GOLGB1: variants seen among roughly 807,000 people sequenced by gnomAD.
GOLGB1 encodes the protein golgin B1.
In GOLGB1, 174 loss-of-function variants were observed where a neutral mutation model predicts 336.9. The ratio of observed to expected loss-of-function variants is 0.52; its 90% CI spans 0.46 to 0.59. GOLGB1 has a LOEUF of 0.59. GOLGB1 is among the 20% of genes least tolerant of loss of function. The probability of loss-of-function intolerance (pLI) is 0.00; values close to 1 mark genes in which losing one functional copy is unlikely to be tolerated. For missense variants in GOLGB1, 3,331 were observed against 3,645.3 expected, an observed-to-expected ratio of 0.91 and a Z score of 2.22; for synonymous variants, 1,208 against 1,289.2, an observed-to-expected ratio of 0.94 and a Z score of 1.35.
chr3:121,672,868 C>T (rs1939738153), intron 17 of GOLGB1, among the ~76,000 whole-genome samples: 1 of 152,136 alleles, frequency 6.6e-6, no homozygotes. Flanking sequence ...TTCCCAGCAC[C>T]ATTTATTAGA....
Position 121,696,814 on chromosome 3 carries a change from G to C in GOLGB1, c.3709C>G (p.Gln1237Glu). Residue 1237 changes from glutamine (Q) to glutamate (E), a missense_variant, in exon 13 of 22, where the codon CAG becomes GAG. By Grantham distance (29) the Gln-to-Glu change is conservative. Coordinates refer to ENST00000614479, the MANE Select transcript of GOLGB1 (RefSeq NM_001366282.2). ...QSKENENIGD[Q>E]LRQLQIQVRE... ...ACTTGAATCTGGAGTTGCCTTAGCT[G>C]GTCTCCAATATTCTCATTTTCCTTG... 2 of 1,614,018 alleles carry C rather than the reference G, an allele frequency of 1.2e-6. No individual in the cohort carries two copies. Among genetic ancestry groups the C allele is most frequent in the Non-Finnish European group, 1.7e-6 (2 of 1,179,904 alleles).
chr3:121,698,713 T>C lies in GOLGB1; in HGVS notation c.1810A>G (p.Lys604Glu). The change falls in exon 13 of 22, where the codon AAA becomes GAA. Residue 604 changes from lysine to glutamate, a missense_variant. Coordinates refer to ENST00000614479, the MANE Select transcript of GOLGB1 (RefSeq NM_001366282.2). ...GCTATTCCCTCACCCTCCATCTGTT[T>C]CATTTCTTTCTGGTCAAGGACCTCA... Reference protein sequence around the residue: ...DHEVLDQKEMKQMEGEGIAPI... With the variant: ...DHEVLDQKEMEQMEGEGIAPI... 6.2e-7 allele frequency: 1 copy of C among 1,613,850 alleles called. No individual in the cohort carries two copies. The highest frequency in any genetic ancestry group is 8.5e-7 in the Non-Finnish European group (1 of 1,179,806).
chr3:121,741,254 CATT>C (rs1946833090), intron 1 of GOLGB1, among the ~76,000 whole-genome samples: 1 of 151,860 alleles, frequency 6.6e-6, no homozygotes, highest in Admixed American at 6.6e-5. Flanking sequence ...AAAGAAACAT[CATT>C]ATAAGAACTA....
In GOLGB1 at chr3:121,664,598, C is replaced by T; in HGVS notation, c.9677G>A (p.Gly3226Glu). 2 of 1,614,018 alleles carry T rather than the reference C, an allele frequency of 1.2e-6. No homozygotes were observed. Among genetic ancestry groups the T allele is most frequent in the Non-Finnish European group, 1.7e-6 (2 of 1,179,872 alleles). The change falls in exon 22 of 22, where the codon GGA becomes GAA. Residue 3226 changes from glycine to glutamate, a missense_variant. Coordinates refer to ENST00000614479, the MANE Select transcript of GOLGB1 (RefSeq NM_001366282.2). ...GAGTGAACGCAGGACTCGCTTCCAT[C>T]CAACGCCACTCCGGGTCTGAAAGAA... The part of the protein sequence containing the change: ...NSCRRTRSGV[G>E]WKRVLRSLCH...
rs144599579 is a variant in GOLGB1, at chr3:121,681,609, A to G, written c.8873+78T>C. ...AGGGTACATAGAAGCTCTCTGCACT[A>G]TTTTCCCAAATCTACAATTATTTCA... On this transcript the variant is annotated intron_variant, in intron 15 of 21. Coordinates refer to ENST00000614479, the MANE Select transcript of GOLGB1 (RefSeq NM_001366282.2). 1.4e-3 allele frequency: 1,432 copies of G among 1,044,430 alleles called. 13 individuals carry two copies. The East Asian group carries it at 0.028, about 20-fold the overall frequency. 64.7% of individuals were successfully genotyped at this position (1,044,430 alleles called of 1,614,324 possible).
At position 121,697,561 on chromosome 3, in the gene GOLGB1, G is replaced by T; in HGVS notation, c.2962C>A (p.Leu988Ile). 6.2e-7 allele frequency: 1 copy of T among 1,613,612 alleles called. No homozygotes were observed. The highest frequency in any genetic ancestry group is 8.5e-7 in the Non-Finnish European group (1 of 1,179,888). The stretch of plus-strand genomic sequence containing the variant: ...CTCTGCTCATTTTCTTTCTTCAGAA[G>T]GTCAAATTCATGCTGAAGTTCTTCC... Reference protein sequence around the residue: ...SKEELQHEFDLLKKENEQRKR... With the variant: ...SKEELQHEFDILKKENEQRKR... The change falls in exon 13 of 22, where the codon CTT becomes ATT. Residue 988 changes from leucine to isoleucine, a missense_variant. Coordinates refer to ENST00000614479, the MANE Select transcript of GOLGB1 (RefSeq NM_001366282.2).
At chr3:121,727,326 T>A (rs1472505800) in intron 4 of GOLGB1, among the ~76,000 whole-genome samples, 881 of 67,062 alleles carry the variant, frequency 0.013, no homozygotes, top group Non-Finnish European at 0.023. Flanking sequence ...ATATATTTTT[T>A]TTTTTTTTTT....
At chr3:121,709,069 G>A (rs1944127783) in intron 10 of GOLGB1, among the ~76,000 whole-genome samples, 1 of 152,126 alleles carries the variant, frequency 6.6e-6, no homozygotes. Flanking sequence ...GCCAGATACA[G>A]AGAAATGTAA....
rs140932474 is a variant in GOLGB1 at position 121,717,027 on chromosome 3, A to G, written c.998T>C (p.Val333Ala). The G allele has an allele frequency of 1.5e-3, 2,499 of 1,613,796 alleles. 3 individuals carry two copies. The highest frequency in any genetic ancestry group is 1.9e-3 in the Non-Finnish European group (2,263 of 1,179,828). Residue 333 changes from valine to alanine, a missense_variant, in exon 9 of 22, where the codon GTG becomes GCG. Val to Ala is a moderately conservative substitution (Grantham distance 64). Coordinates refer to ENST00000614479, the MANE Select transcript of GOLGB1 (RefSeq NM_001366282.2). ...KILLEKMELEVAERKLSFHNL... is the reference protein window; with the variant it reads ...KILLEKMELEAAERKLSFHNL... ...ATGGAAGGATAATTTTCTCTCTGCC[A>G]CTTCAAGTTCCATCTTTTCCAGTAG... is the stretch of plus-strand genomic sequence containing the variant.
chr3:121,713,660 G>A (rs1289501840), intron 10 of GOLGB1, among the ~76,000 whole-genome samples: 3 of 152,168 alleles, frequency 2.0e-5, no homozygotes, highest in African/African-American at 7.2e-5. Context: ...TTTGTGAGGT[G>A]ATGGTAATGT....
Position 121,697,817 on chromosome 3 carries a change from C to T in GOLGB1, c.2706G>A (p.Glu902=). Reference sequence around the variant, plus strand: ...TTTCTGTCACTTGTTGATCCTTCTCCTCGATGGTTTGTTGGAGGGTTTCCA... The same window carrying T: ...TTTCTGTCACTTGTTGATCCTTCTCTTCGATGGTTTGTTGGAGGGTTTCCA... ...RDVETLQQTI[E]EKDQQVTEIS... Residue 902 remains glutamate (E), a synonymous_variant, in exon 13 of 22, where the codon GAG becomes GAA. Transcript: ENST00000614479. 3 of 1,614,058 alleles carry T rather than the reference C, an allele frequency of 1.9e-6. No individual in the cohort carries two copies. The highest frequency in any genetic ancestry group is 2.5e-6 in the Non-Finnish European group (3 of 1,179,932).
intron 12 of GOLGB1, among the ~76,000 whole-genome samples, chr3:121,699,250 A>G (rs1019953965): frequency 6.6e-6 from 1 of 152,140 alleles, no homozygotes; most frequent in African/African-American, 2.4e-5. Flanking sequence ...TTTTTTTAAA[A>G]AGTAAGCAGA....
At position 121,677,879 on chromosome 3, in the gene GOLGB1, T is replaced by C. The variant is rs192704522; in HGVS notation, c.8874-429A>G. ...ATGCTCTGATACGGTACCAATCACC[T>C]TTGGAGGGCCCTAAATTCAAGTGCA... On this transcript the variant is annotated intron_variant, in intron 15 of 21. Coordinates refer to ENST00000614479, the MANE Select transcript of GOLGB1 (RefSeq NM_001366282.2). Among the ~76,000 whole-genome samples, 420 of 152,278 alleles carry C rather than the reference T, an allele frequency of 2.8e-3. 1 individual carries two copies. The highest frequency in any genetic ancestry group is 9.7e-3 in the African/African-American group (402 of 41,562).
At chr3:121,683,168 C>T (rs1459754456) in intron 14 of GOLGB1, among the ~76,000 whole-genome samples, 4 of 144,506 alleles carry the variant, frequency 2.8e-5, no homozygotes, top group Non-Finnish European at 4.5e-5. Context: ...TCCCGAAGTG[C>T]TGGGATTACA....
rs757569465 is a variant in GOLGB1, at chr3:121,667,485, T to G, written c.9545A>C (p.Gln3182Pro). ...AENALSVAEE[Q>P]IRRLEHSEWD... ...CTCCTTCAGCCTTTACCGTCTGATC[T>G]GCTCCTCGGCCACAGAGAGAGCATT... Residue 3182 changes from glutamine to proline, a missense_variant, in exon 20 of 22, where the codon CAG becomes CCG. Physicochemically the swap from Gln to Pro is moderately conservative, Grantham distance 76 (BLOSUM62 -1). Transcript: ENST00000614479. 6.2e-7 allele frequency: 1 copy of G among 1,614,006 alleles called. No homozygotes were observed. Among genetic ancestry groups the G allele is most frequent in the South Asian group, 1.1e-5 (1 of 91,070 alleles).
Position 121,719,850 on chromosome 3 carries a change from A to G in GOLGB1, c.649-82T>C, listed in dbSNP as rs556405725. The G allele has an allele frequency of 7.7e-5, 95 of 1,236,028 alleles. No homozygotes were observed. In the East Asian group the frequency reaches 2.5e-3, roughly 32 times the overall value. 76.6% of individuals were successfully genotyped at this position (1,236,028 alleles called of 1,614,324 possible). ...TAAAACTCACAGACTACTTTCCAAG[A>G]CAGACACTGAGACTTGATAGTAGCT... is the stretch of plus-strand genomic sequence containing the variant. On this transcript the variant is annotated intron_variant, in intron 6 of 21. Transcript: ENST00000614479.
At chr3:121,741,546 G>T (rs1401228273) in intron 1 of GOLGB1, among the ~76,000 whole-genome samples, 1 of 152,148 alleles carries the variant, frequency 6.6e-6, no homozygotes, top group Non-Finnish European at 1.5e-5. Flanking sequence ...ATCACTCCTA[G>T]ATTACTATAT....
chr3:121,699,839 A>C lies in GOLGB1; in HGVS notation c.1566T>G (p.Thr522=), dbSNP rs1183608107. 1 of 1,605,280 alleles carries C rather than the reference A, an allele frequency of 6.2e-7. No individual in the cohort carries two copies. Among genetic ancestry groups the C allele is most frequent in the Non-Finnish European group, 8.5e-7 (1 of 1,173,002 alleles). The change falls in exon 12 of 22, where the codon ACT becomes ACG. Residue 522 remains threonine, a synonymous_variant. Coordinates refer to ENST00000614479, the MANE Select transcript of GOLGB1 (RefSeq NM_001366282.2). Reference sequence around the variant, plus strand: ...CACTGACTTCTCTGTCTGCCTCCCCAGTTCTATTCTGAGCCTCTAGGAGAG... The same window carrying C: ...CACTGACTTCTCTGTCTGCCTCCCCCGTTCTATTCTGAGCCTCTAGGAGAG... ...QITLLEAQNR[T]GEADREVSEI...
At position 121,684,091 on chromosome 3, in the gene GOLGB1, G is replaced by GCA. The variant is rs1454556230; in HGVS notation, c.8695-2228_8695-2227dup. On this transcript the variant is annotated intron_variant, in intron 14 of 21. Transcript: ENST00000614479. ...TGCAGTAAGCCAAGATCATGCCATT[G>GCA]CACTCCAGCCTGGATGACAGAGCGA... Among the ~76,000 whole-genome samples, 5 of 125,798 alleles carry GCA rather than the reference G, an allele frequency of 4.0e-5. No individual in the cohort carries two copies. In the Admixed American group the frequency reaches 5.1e-4, roughly 13 times the overall value. 82.5% of individuals were successfully genotyped at this position (125,798 alleles called of 152,430 possible).
Sources: gnomAD v4.1 joint callset for allele counts (sites outside exome capture counted in the v4.1 genomes callset) on GRCh38, gnomAD v4.1.1 for gene constraint, MANE v1.5 for transcripts, NCBI Gene and HGNC (gene_info 2026-07-23, HGNC 2026-07-21) for gene names.